The following SLC6A11 variants were observed in gnomAD, a reference collection of about 807,000 sequenced individuals.
The protein encoded by SLC6A11 is sodium- and chloride-dependent GABA transporter 3.
SLC6A11 carries 25 observed loss-of-function variants against 74.8 expected under a neutral mutation model. The observed-to-expected ratio is 0.33, with a 90% CI of 0.24 to 0.47. The LOEUF (loss-of-function observed/expected upper bound fraction) is 0.47, where lower values mean the gene tolerates loss of function less well. Ranked by LOEUF, SLC6A11 falls within the 20% of genes least tolerant of loss-of-function variation. The pLI is 1.00. For synonymous variants in SLC6A11, 330 were observed against 330.2 expected (o/e 1.00, Z 0.01); for missense variants, 574 against 837.0 (o/e 0.69, Z 3.88).
At chr3:10,865,828 T>C (rs905117060) in intron 5 of SLC6A11, among the ~76,000 whole-genome samples, 3 of 152,168 alleles carry the variant, frequency 2.0e-5, no homozygotes, top group African/African-American at 7.2e-5. Context: ...CTCTTAAGGG[T>C]CCACCTTCAG....
At chr3:10,932,276 G>A (rs1186242438) in intron 10 of SLC6A11, among the ~76,000 whole-genome samples, 1 of 152,068 alleles carries the variant, frequency 6.6e-6, no homozygotes, top group African/African-American at 2.4e-5. Context: ...CTGGTCTGTG[G>A]TCATTTCTTC....
intron 6 of SLC6A11, 29 bp downstream of exon 6, chr3:10,875,124 T>C (rs770617930): frequency 2.5e-6 from 4 of 1,569,728 alleles, no homozygotes; most frequent in Non-Finnish European, 3.5e-6. Context: ...ATGTGCAGCA[T>C]CACCCACCAC....
chr3:10,919,744 A>G (rs2106630042), intron 8 of SLC6A11, among the ~76,000 whole-genome samples: 1 of 152,354 alleles, frequency 6.6e-6, no homozygotes, highest in South Asian at 2.1e-4. Flanking sequence ...GCACCTATTC[A>G]CTGGACAGGA....
intron 4 of SLC6A11, among the ~76,000 whole-genome samples, chr3:10,840,261 T>C (rs1694421026): frequency 6.6e-6 from 1 of 152,200 alleles, no homozygotes; most frequent in South Asian, 2.1e-4. Flanking sequence ...GGCCTCGTGG[T>C]GTTCTCCCCA....
chr3:10,825,823 G>A (rs1694201368), intron 4 of SLC6A11, among the ~76,000 whole-genome samples: 1 of 152,144 alleles, frequency 6.6e-6, no homozygotes, highest in Non-Finnish European at 1.5e-5. Flanking sequence ...GCCATCTTCT[G>A]TACATAATTT....
chr3:10,914,763 C>T (rs967392117), intron 7 of SLC6A11, among the ~76,000 whole-genome samples: 2 of 152,148 alleles, frequency 1.3e-5, no homozygotes, highest in South Asian at 4.1e-4. Context: ...ATAGGAAGAA[C>T]AGCACATGCA....
rs115111061 is a variant in SLC6A11, at chr3:10,935,634, C to T, written c.1746+435C>T. On this transcript the variant is annotated intron_variant, in intron 13 of 13. Transcript: ENST00000254488. Reference sequence around the variant, plus strand: ...CCTGCCATCCTCAGAGCAAACTGGGCGATAGGCATCATTTTCTGCAGTTAG... The same window carrying T: ...CCTGCCATCCTCAGAGCAAACTGGGTGATAGGCATCATTTTCTGCAGTTAG... Among the ~76,000 whole-genome samples, 637 of 152,294 alleles carry T rather than the reference C, an allele frequency of 4.2e-3. 5 individuals are homozygous for T. Among genetic ancestry groups the T allele is most frequent in the African/African-American group, 0.014 (599 of 41,562 alleles).
At chr3:10,927,811 C>T (rs140559823) in intron 9 of SLC6A11, among the ~76,000 whole-genome samples, 1 of 152,278 alleles carries the variant, frequency 6.6e-6, no homozygotes, top group East Asian at 1.9e-4. Context: ...ATTGAAACAC[C>T]TTTTCTGGGG....
At chr3:10,818,772 AT>A (rs1694097599) in intron 1 of SLC6A11, among the ~76,000 whole-genome samples, 1 of 152,066 alleles carries the variant, frequency 6.6e-6, no homozygotes, top group South Asian at 2.1e-4. Flanking sequence ...CAGTTATTTA[AT>A]TTTTTTCACA....
At chr3:10,831,862 C>T (rs1228860301) in intron 4 of SLC6A11, among the ~76,000 whole-genome samples, 3 of 152,026 alleles carry the variant, frequency 2.0e-5, no homozygotes, top group East Asian at 1.9e-4. Flanking sequence ...ACCTATAGGC[C>T]GGCAGAAATA....
chr3:10,855,941 G>A (rs1053440020), intron 5 of SLC6A11, among the ~76,000 whole-genome samples: 5 of 152,110 alleles, frequency 3.3e-5, no homozygotes, highest in Non-Finnish European at 7.4e-5. Context: ...TGCATGCCAG[G>A]GACTCTTAGA....
At chr3:10,936,211 G>C (rs1017252853) in intron 13 of SLC6A11, among the ~76,000 whole-genome samples, 1 of 152,222 alleles carries the variant, frequency 6.6e-6, no homozygotes, top group Non-Finnish European at 1.5e-5. Flanking sequence ...CAATCCTAGG[G>C]GGGTGGAGAT....
chr3:10,877,872 C>T (rs1049782946), intron 6 of SLC6A11, among the ~76,000 whole-genome samples: 2 of 152,146 alleles, frequency 1.3e-5, no homozygotes, highest in Admixed American at 1.3e-4. Context: ...AAAAAGTTTG[C>T]TGACAGTGCA....
chr3:10,888,381 A>G (rs1417125918), intron 6 of SLC6A11, among the ~76,000 whole-genome samples: 1 of 152,206 alleles, frequency 6.6e-6, no homozygotes, highest in African/African-American at 2.4e-5. Flanking sequence ...AGTTTCGAGG[A>G]GTATGGCAAG....
intron 5 of SLC6A11, among the ~76,000 whole-genome samples, chr3:10,849,899 C>T (rs984096878): frequency 6.6e-6 from 1 of 150,782 alleles, no homozygotes; most frequent in Non-Finnish European, 1.5e-5. Context: ...CAGGGATTGG[C>T]CAACTGTGGT....
chr3:10,872,253 C>T (rs1356672166), intron 5 of SLC6A11, among the ~76,000 whole-genome samples: 2 of 152,120 alleles, frequency 1.3e-5, no homozygotes, highest in African/African-American at 4.8e-5. Flanking sequence ...CTTCTCTGGC[C>T]TTTGTCATGT....
At chr3:10,873,974 T>C (rs955087741) in intron 5 of SLC6A11, among the ~76,000 whole-genome samples, 5 of 136,464 alleles carry the variant, frequency 3.7e-5, no homozygotes, top group African/African-American at 1.7e-4. Flanking sequence ...TATGCTATGC[T>C]ACGCTACGCT....
intron 3 of SLC6A11, among the ~76,000 whole-genome samples, chr3:10,820,616 AC>A (rs1694126020): frequency 6.6e-6 from 1 of 152,216 alleles, no homozygotes; most frequent in Non-Finnish European, 1.5e-5. Flanking sequence ...TATTTTTGAT[AC>A]TGATATATTG....
chr3:10,869,556 A>C (rs1037531275), intron 5 of SLC6A11, among the ~76,000 whole-genome samples: 3 of 152,216 alleles, frequency 2.0e-5, no homozygotes, highest in African/African-American at 7.2e-5. Context: ...AGACTGAGAA[A>C]AGGCAAGGAG....
Sources: allele counts gnomAD v4.1 joint callset (sites outside exome capture counted in the v4.1 genomes callset), GRCh38; gene constraint gnomAD v4.1.1; transcripts MANE v1.5; gene names NCBI Gene and HGNC (gene_info 2026-07-23, HGNC 2026-07-21).